THNSL1: variants seen among roughly 807,000 people sequenced by gnomAD.
THNSL1 encodes threonine synthase-like 1.
A neutral mutation model predicts 50.4 loss-of-function variants in THNSL1; 48 were observed. The observed-to-expected ratio is 0.95, with a 90% CI of 0.76 to 1.21. The LOEUF (loss-of-function observed/expected upper bound fraction) is 1.21, where lower values mean the gene tolerates loss of function less well. THNSL1 is among the 50% of genes most tolerant of loss of function. The pLI, the probability that THNSL1 is intolerant of heterozygous loss-of-function variation, is 0.00. For missense variants in THNSL1, 896 were observed against 871.7 expected (o/e 1.03, Z -0.35); for synonymous variants, 309 against 306.1 (o/e 1.01, Z -0.10).
chr10:25,026,205 A>G lies in THNSL1; in HGVS notation c.*750A>G, dbSNP rs1850849116. 6.0e-6 allele frequency: 1 copy of G among 166,634 alleles called. No individual in the cohort carries two copies. The highest frequency in any genetic ancestry group is 2.1e-4 in the South Asian group (1 of 4,830). The allele number at this position is 166,634 out of a possible 1,614,324, so 10.3% of individuals were successfully genotyped here. A position where few individuals can be genotyped will look rare whatever the true frequency, so the allele number is the denominator to read the frequency against. On this transcript the variant is annotated 3_prime_UTR_variant, in exon 3 of 3. Transcript: ENST00000376356. ...GGGCCAGTGTTTTTAACCCTCCTCA[A>G]ATTCCATTTTGGACTACAACTAATG...
At chr10:24,986,224 G>A in the THNSL1 span, among the ~76,000 whole-genome samples, 8 of 152,172 alleles carry the variant, frequency 5.3e-5, no homozygotes, top group Non-Finnish European at 1.2e-4. Context: ...ATTTAATCTT[G>A]TAGAAACTTT....
the THNSL1 span, chr10:24,999,255 C>T: frequency 1.3e-6 from 1 of 776,424 alleles, no homozygotes; most frequent in Non-Finnish European, 2.0e-6. Context: ...CAATTCTCTA[C>T]TTCCACTTTC....
In THNSL1 at chr10:25,025,189, A is replaced by G; in HGVS notation, c.1966A>G (p.Lys656Glu). The change falls in exon 3 of 3, where the codon AAA (lysine) becomes GAA (glutamate). Residue 656 changes from lysine to glutamate, a missense_variant. Lys to Glu is a moderately conservative substitution (Grantham distance 56). Coordinates refer to ENST00000376356, the MANE Select transcript of THNSL1 (RefSeq NM_024838.5). ...AKVVADRVQD[K>E]TCPVIISSTA... Reference sequence around the variant, plus strand: ...AGTGGTTGCAGATAGGGTGCAAGACAAAACTTGCCCTGTGATTATCTCATC... The same window carrying G: ...AGTGGTTGCAGATAGGGTGCAAGACGAAACTTGCCCTGTGATTATCTCATC... The G allele has an allele frequency of 6.2e-7, 1 of 1,614,234 alleles. No homozygotes were observed. The highest frequency in any genetic ancestry group is 1.1e-5 in the South Asian group (1 of 91,082).
At chr10:24,981,012 A>T in the THNSL1 span, among the ~76,000 whole-genome samples, 1 of 152,180 alleles carries the variant, frequency 6.6e-6, no homozygotes, top group Non-Finnish European at 1.5e-5. Context: ...GAGCCACCGC[A>T]CCTGGCCCAA....
chr10:24,976,222 T>G, the THNSL1 span, among the ~76,000 whole-genome samples: 1 of 152,206 alleles, frequency 6.6e-6, no homozygotes, highest in Non-Finnish European at 1.5e-5. Context: ...CGTAACTGCA[T>G]AGTGGAGATT....
At chr10:24,952,553 G>T in the THNSL1 span, 2 of 1,592,028 alleles carry the variant, frequency 1.3e-6, no homozygotes, top group Non-Finnish European at 1.7e-6. The surrounding 1 kb of genome is among the most constrained non-coding windows in gnomAD (Gnocchi z 5.1). Flanking sequence ...GTAGTCTGGC[G>T]CCTCCTCGCT....
the THNSL1 span, among the ~76,000 whole-genome samples, chr10:24,985,520 A>G: frequency 6.6e-6 from 1 of 152,234 alleles, no homozygotes; most frequent in Non-Finnish European, 1.5e-5. Context: ...TGTATTCTAT[A>G]AATGATTGAA....
the THNSL1 span, among the ~76,000 whole-genome samples, chr10:24,961,140 C>A: frequency 6.6e-6 from 1 of 152,176 alleles, no homozygotes; most frequent in Non-Finnish European, 1.5e-5. Flanking sequence ...TATTTTGGTG[C>A]CTTCTTCCAG....
the THNSL1 span, among the ~76,000 whole-genome samples, chr10:24,995,447 T>C: frequency 1.3e-5 from 2 of 152,220 alleles, no homozygotes; most frequent in Non-Finnish European, 2.9e-5. Context: ...CTGAACTATA[T>C]GGAATTGTTT....
chr10:24,987,712 T>C, the THNSL1 span, among the ~76,000 whole-genome samples: 116 of 152,246 alleles, frequency 7.6e-4, 1 homozygote, highest in African/African-American at 2.6e-3. Context: ...AAGTATGTGT[T>C]CTGTAGTGGG....
At chr10:25,013,767 ACCCCAT>A (rs1850503899), upstream of THNSL1, among the ~76,000 whole-genome samples, 1 of 152,084 alleles carries the variant, frequency 6.6e-6, no homozygotes, top group Non-Finnish European at 1.5e-5. Context: ...CCATGGTGAA[ACCCCAT>A]CCCTACTAAA....
chr10:24,956,626 C>T, the THNSL1 span, among the ~76,000 whole-genome samples: 1 of 152,170 alleles, frequency 6.6e-6, no homozygotes, highest in South Asian at 2.1e-4. Context: ...TTAGCATACT[C>T]ATCATCTCAA....
the THNSL1 span, among the ~76,000 whole-genome samples, chr10:24,992,636 C>T: frequency 6.6e-6 from 1 of 152,134 alleles, no homozygotes; most frequent in Admixed American, 6.5e-5. Context: ...GGAAGAAGGA[C>T]AAGAAGCAGA....
At chr10:24,966,946 A>G in the THNSL1 span, among the ~76,000 whole-genome samples, 1 of 152,214 alleles carries the variant, frequency 6.6e-6, no homozygotes, top group Admixed American at 6.5e-5. Context: ...AAAATGTGGT[A>G]GTGTCTGTTT....
At chr10:24,969,366 G>C in the THNSL1 span, among the ~76,000 whole-genome samples, 41 of 152,078 alleles carry the variant, frequency 2.7e-4, no homozygotes, top group Non-Finnish European at 2.9e-5. Flanking sequence ...TTTTCTGTAT[G>C]TCCATCACAG....
intron 1 of THNSL1, chr10:25,016,932 A>G (rs557675708): frequency 2.6e-4 from 40 of 152,478 alleles, no homozygotes; most frequent in African/African-American, 9.1e-4. Context: ...CTTCTGGTCG[A>G]GGCTCCTCGG....
chr10:25,025,070 C>G lies in THNSL1; in HGVS notation c.1847C>G (p.Ala616Gly), dbSNP rs1374245331. The G allele has an allele frequency of 3.5e-5, 56 of 1,614,168 alleles. No individual in the cohort carries two copies. The highest frequency in any genetic ancestry group is 4.6e-5 in the Non-Finnish European group (54 of 1,180,026). ...GAGAAACTTCAGCAGGATTTTGTAG[C>G]TGACTGGTGCTCTGAGGGAGAGTGC... Reference protein sequence around the residue: ...LVEKLQQDFVADWCSEGECLA... With the variant: ...LVEKLQQDFVGDWCSEGECLA... Residue 616 changes from alanine (A) to glycine (G), a missense_variant, in exon 3 of 3, where the codon GCT (alanine) becomes GGT (glycine). Transcript: ENST00000376356.
At chr10:24,996,499 T>A in the THNSL1 span, among the ~76,000 whole-genome samples, 1 of 152,074 alleles carries the variant, frequency 6.6e-6, no homozygotes, top group Non-Finnish European at 1.5e-5. Flanking sequence ...AAGGAAGAAG[T>A]ATTTCTTGCT....
chr10:24,995,567 A>T, the THNSL1 span: 246 of 1,258,186 alleles, frequency 2.0e-4, no homozygotes, highest in African/African-American at 3.5e-3. Context: ...ACTAATAATG[A>T]TAACATAGAT....
Sources: gnomAD v4.1 joint callset for allele counts (sites outside exome capture counted in the v4.1 genomes callset) on GRCh38, gnomAD v4.1.1 for gene constraint, Gnocchi (gnomAD v3.1) non-coding constraint, MANE v1.5 for transcripts, NCBI Gene and HGNC (gene_info 2026-07-23, HGNC 2026-07-21) for gene names.